PTPRD: variants seen among roughly 807,000 people sequenced by gnomAD.
PTPRD encodes protein tyrosine phosphatase receptor type D, also known as receptor-type tyrosine-protein phosphatase delta.
PTPRD carries 34 observed loss-of-function variants against 214.5 expected under a neutral mutation model. The ratio of observed to expected loss-of-function variants is 0.16; its 90% CI spans 0.12 to 0.21. The LOEUF (loss-of-function observed/expected upper bound fraction) is 0.21. PTPRD is among the 10% of genes least tolerant of loss of function. The probability of loss-of-function intolerance (pLI) is 1.00; values close to 1 mark genes in which losing one functional copy is unlikely to be tolerated. For synonymous variants in PTPRD, 1,128 were observed against 845.7 expected (o/e 1.33, Z -5.79); for missense variants, 2,545 against 2,398.7 (o/e 1.06, Z -1.27).
intron 2 of PTPRD, among the ~76,000 whole-genome samples, chr9:10,517,082 T>C (rs1251751073): frequency 6.6e-6 from 1 of 151,838 alleles, no homozygotes; most frequent in African/African-American, 2.4e-5. Flanking sequence ...AAATTTTAGA[T>C]TTTTTTTCTA....
intron 3 of PTPRD, among the ~76,000 whole-genome samples, chr9:10,056,755 CA>C (rs2097657984): frequency 6.6e-6 from 1 of 152,108 alleles, no homozygotes. Flanking sequence ...TAATGAGCCA[CA>C]TTCTCCCTAT....
At chr9:9,728,543 T>G (rs1368884927) in intron 7 of PTPRD, among the ~76,000 whole-genome samples, 1 of 152,144 alleles carries the variant, frequency 6.6e-6, no homozygotes, top group Non-Finnish European at 1.5e-5. Flanking sequence ...GAGGGAGACT[T>G]CCACTCTAAA....
At chr9:10,273,079 C>T (rs1216374599) in intron 3 of PTPRD, among the ~76,000 whole-genome samples, 1 of 152,130 alleles carries the variant, frequency 6.6e-6, no homozygotes, top group Admixed American at 6.5e-5. Flanking sequence ...CTGTTTTCCT[C>T]TAATTTCCAG....
At position 9,234,012 on chromosome 9, in the gene PTPRD, C is replaced by G. The variant is rs116643266; in HGVS notation, c.-202-50649G>C. Reference sequence around the variant, plus strand: ...TTTCAAAGCTCCACTAGGTAGTGCCCCGGTGGGGACTCTGTGTGGGGGCTC... The same window carrying G: ...TTTCAAAGCTCCACTAGGTAGTGCCGCGGTGGGGACTCTGTGTGGGGGCTC... On this transcript the variant is annotated intron_variant, in intron 9 of 45. Coordinates refer to ENST00000381196, the MANE Select transcript of PTPRD (RefSeq NM_002839.4). Among the ~76,000 whole-genome samples, 999 of 152,196 alleles carry G rather than the reference C, an allele frequency of 6.6e-3. 10 individuals are homozygous for G. Among genetic ancestry groups the G allele is most frequent in the African/African-American group, 0.022 (930 of 41,530 alleles).
intron 5 of PTPRD, among the ~76,000 whole-genome samples, chr9:9,856,219 C>T (rs745918927): frequency 1.1e-4 from 17 of 152,138 alleles, no homozygotes; most frequent in Non-Finnish European, 2.4e-4. Context: ...TAGTCCCTGA[C>T]ATCCAGCCAC....
At chr9:10,265,529 C>T (rs915736796) in intron 3 of PTPRD, among the ~76,000 whole-genome samples, 6 of 152,166 alleles carry the variant, frequency 3.9e-5, no homozygotes, top group African/African-American at 1.4e-4. Context: ...GATGCAAAAA[C>T]TTACTCTGTA....
chr9:9,908,077 G>C (rs1448773703), intron 5 of PTPRD, among the ~76,000 whole-genome samples: 1 of 33,176 alleles, frequency 3.0e-5, no homozygotes, highest in East Asian at 1.1e-3. Flanking sequence ...AGAACATTAA[G>C]ACAAAAAAAA....
At chr9:9,777,806 G>T (rs563248341) in intron 5 of PTPRD, among the ~76,000 whole-genome samples, 59 of 152,126 alleles carry the variant, frequency 3.9e-4, no homozygotes, top group Admixed American at 4.6e-4. Context: ...ATTATAATCA[G>T]TAAAATGCAT....
intron 11 of PTPRD, among the ~76,000 whole-genome samples, chr9:8,889,822 G>A (rs1054628865): frequency 2.6e-5 from 4 of 152,074 alleles, no homozygotes; most frequent in Non-Finnish European, 5.9e-5. Context: ...AGTATTCCAT[G>A]GTGTATATAT....
chr9:9,894,102 A>G (rs1210165836), intron 5 of PTPRD, among the ~76,000 whole-genome samples: 1 of 151,982 alleles, frequency 6.6e-6, no homozygotes, highest in African/African-American at 2.4e-5. Flanking sequence ...TGCCAGCATG[A>G]GTCACCACTC....
intron 5 of PTPRD, among the ~76,000 whole-genome samples, chr9:9,901,625 C>G (rs1421158225): frequency 6.6e-6 from 1 of 151,962 alleles, no homozygotes; most frequent in Non-Finnish European, 1.5e-5. Flanking sequence ...AGAAATCTGA[C>G]TTCTTTCTTT....
At chr9:8,481,660 G>T (rs537850538) in intron 30 of PTPRD, among the ~76,000 whole-genome samples, 1 of 151,838 alleles carries the variant, frequency 6.6e-6, no homozygotes, top group Non-Finnish European at 1.5e-5. Context: ...TCCTATTAAC[G>T]GAGACCTTTA....
At chr9:8,424,497 C>T (rs2094539183) in intron 35 of PTPRD, among the ~76,000 whole-genome samples, 1 of 152,126 alleles carries the variant, frequency 6.6e-6, no homozygotes, top group Non-Finnish European at 1.5e-5. Context: ...GTAATGCATT[C>T]CGAAGAATGT....
chr9:9,170,339 G>T (rs1159762000), intron 10 of PTPRD, among the ~76,000 whole-genome samples: 1 of 152,110 alleles, frequency 6.6e-6, no homozygotes, highest in East Asian at 1.9e-4. Flanking sequence ...ACTTATGTTA[G>T]ATTTCACTGT....
intron 2 of PTPRD, among the ~76,000 whole-genome samples, chr9:10,541,012 G>A (rs905415412): frequency 6.6e-6 from 1 of 152,052 alleles, no homozygotes; most frequent in Non-Finnish European, 1.5e-5. Flanking sequence ...CGATAAAATT[G>A]AATCAAGTAA....
intron 11 of PTPRD, among the ~76,000 whole-genome samples, chr9:8,898,080 A>G (rs2098634749): frequency 6.6e-6 from 1 of 152,014 alleles, no homozygotes; most frequent in African/African-American, 2.4e-5. Context: ...TCCATTTCTC[A>G]CTTCTCTGCC....
intron 4 of PTPRD, among the ~76,000 whole-genome samples, chr9:10,024,258 G>T (rs1487584377): frequency 6.6e-6 from 1 of 152,054 alleles, no homozygotes; most frequent in African/African-American, 2.4e-5. Flanking sequence ...GTAAGTTTAT[G>T]CACTATTACC....
intron 8 of PTPRD, among the ~76,000 whole-genome samples, chr9:9,410,982 G>GA (rs1013356875): frequency 5.7e-4 from 86 of 152,192 alleles, no homozygotes; most frequent in African/African-American, 2.0e-3. Flanking sequence ...TTCATCAAAT[G>GA]AAAAGTAGGC....
intron 5 of PTPRD, among the ~76,000 whole-genome samples, chr9:9,860,306 G>T (rs1426465496): frequency 4.6e-5 from 7 of 152,202 alleles, no homozygotes; most frequent in Non-Finnish European, 8.8e-5. Context: ...TTAACAACTT[G>T]TATGTGAAAA....
Sources: gnomAD v4.1 joint callset for allele counts (sites outside exome capture counted in the v4.1 genomes callset) on GRCh38, gnomAD v4.1.1 for gene constraint, MANE v1.5 for transcripts, NCBI Gene and HGNC (gene_info 2026-07-23, HGNC 2026-07-21) for gene names.